ADGRV1: variants seen among roughly 807,000 people sequenced by gnomAD.
The protein encoded by ADGRV1 is adhesion G protein-coupled receptor V1.
ADGRV1 carries 359 observed loss-of-function variants against 596.2 expected under a neutral mutation model. That is an observed-to-expected ratio of 0.60 (90% confidence interval 0.55 to 0.66). The LOEUF is 0.66. Ranked by LOEUF, ADGRV1 falls within the 30% of genes least tolerant of loss-of-function variation. The pLI, the probability that ADGRV1 is intolerant of heterozygous loss-of-function variation, is 0.00. For synonymous variants in ADGRV1, 2,681 were observed against 2,679.2 expected (o/e 1.00, Z -0.02); for missense variants, 7,274 against 7,575.6 (o/e 0.96, Z 1.48).
Position 91,072,530 on chromosome 5 carries a change from TCATC to T in ADGRV1, c.18240_18243del (p.Ile6080MetfsTer5). On this transcript the variant is annotated frameshift_variant, in exon 86 of 90. Transcript: ENST00000405460. LOFTEE classifies it high-confidence loss of function. The stretch of plus-strand genomic sequence containing the variant: ...TGCCTCGTGGTGGTGTTCGTGGTGT[TCATC>T]CATGCCTACCAGGTGAAGCCACAGT... 6.2e-7 allele frequency: 1 copy of T among 1,613,878 alleles called. No individual in the cohort carries two copies. Among genetic ancestry groups the T allele is most frequent in the Non-Finnish European group, 8.5e-7 (1 of 1,179,742 alleles).
chr5:91,138,088 C>T (rs993886803), intron 87 of ADGRV1, among the ~76,000 whole-genome samples: 1 of 152,014 alleles, frequency 6.6e-6, no homozygotes. Flanking sequence ...CAGGCTAACC[C>T]AAGAATCCCA....
At chr5:90,682,324 C>A (rs1430199744) in intron 27 of ADGRV1, among the ~76,000 whole-genome samples, 1 of 152,170 alleles carries the variant, frequency 6.6e-6, no homozygotes, top group African/African-American at 2.4e-5. Context: ...TGATTTACAT[C>A]ATTTCTACTT....
At chr5:90,602,023 A>G (rs1257408519) in intron 1 of ADGRV1, among the ~76,000 whole-genome samples, 1 of 152,218 alleles carries the variant, frequency 6.6e-6, no homozygotes, top group Non-Finnish European at 1.5e-5. Context: ...TTCAGAGAAT[A>G]TTTGAAGAGG....
chr5:91,026,938 T>C (rs1368261283), intron 85 of ADGRV1, among the ~76,000 whole-genome samples: 2 of 151,838 alleles, frequency 1.3e-5, no homozygotes, highest in Non-Finnish European at 2.9e-5. Flanking sequence ...GGCCAGGAGT[T>C]CGAGACCAAC....
In ADGRV1 at chr5:90,627,275, A is replaced by G. The variant is rs768023502; in HGVS notation, c.737A>G (p.Asn246Ser). The change falls in exon 7 of 90, where the codon AAC becomes AGC. Residue 246 changes from asparagine (N) to serine (S), a missense_variant. By Grantham distance (46) the Asn-to-Ser change is conservative. Around this residue, in one of 5 missense-constraint regions of ADGRV1, gnomAD observed 1,715 missense variants for 1,708.8 expected, o/e 1.00. Transcript: ENST00000405460. ...AGTGTAGAAGGAGGAGCTGAGATTA[A>G]CACCTCTAGGAATTCCATTGAGATC... is the stretch of plus-strand genomic sequence containing the variant. ...LKSVEGGAEI[N>S]TSRNSIEIII... 2.5e-6 allele frequency: 4 copies of G among 1,600,894 alleles called. No individual in the cohort carries two copies. Among genetic ancestry groups the G allele is most frequent in the Non-Finnish European group, 2.6e-6 (3 of 1,172,146 alleles).
intron 41 of ADGRV1, among the ~76,000 whole-genome samples, chr5:90,711,615 A>T (rs1749360943): frequency 6.6e-6 from 1 of 152,216 alleles, no homozygotes; most frequent in African/African-American, 2.4e-5. Flanking sequence ...AAGAATTTAT[A>T]TCATTAGATA....
chr5:90,896,364 G>A (rs1034091851), intron 83 of ADGRV1, among the ~76,000 whole-genome samples: 1 of 127,600 alleles, frequency 7.8e-6, no homozygotes, highest in Non-Finnish European at 1.6e-5. Context: ...TCAACCTCCC[G>A]GCTCGAGAGA....
chr5:90,594,262 G>T lies in ADGRV1; in HGVS notation c.23-20573G>T, dbSNP rs145006962. Among the ~76,000 whole-genome samples, 168 of 152,070 alleles carry T rather than the reference G, an allele frequency of 1.1e-3. 3 individuals carry two copies. In the East Asian group the frequency reaches 0.024, roughly 22 times the overall value. On this transcript the variant is annotated intron_variant, in intron 1 of 89. Coordinates refer to ENST00000405460, the MANE Select transcript of ADGRV1 (RefSeq NM_032119.4). ...CAGGTGAGAGGTAATTGAATCATGG[G>T]GGCAGTTACCTCCATGCTGTTCTCA...
intron 85 of ADGRV1, among the ~76,000 whole-genome samples, chr5:91,042,197 T>C (rs191068102): frequency 1.9e-3 from 286 of 152,292 alleles, no homozygotes; most frequent in African/African-American, 6.0e-3. Context: ...GATGAAAAGA[T>C]TGTGGTTTGC....
intron 85 of ADGRV1, 119 bp from the exon 86 acceptor site, chr5:91,072,328 C>A: frequency 1.1e-6 from 1 of 902,110 alleles, no homozygotes; most frequent in Non-Finnish European, 1.8e-6. Flanking sequence ...AACCAAAAAT[C>A]TGATGTTGCC....
intron 85 of ADGRV1, among the ~76,000 whole-genome samples, chr5:91,038,696 C>A (rs1785099358): frequency 6.6e-6 from 1 of 152,126 alleles, no homozygotes; most frequent in African/African-American, 2.4e-5. Context: ...TCAGTGACAG[C>A]AAGCATCTTA....
At chr5:91,104,835 C>CCTTTT (rs1279159580) in intron 87 of ADGRV1, among the ~76,000 whole-genome samples, 1 of 150,048 alleles carries the variant, frequency 6.7e-6, no homozygotes, top group Non-Finnish European at 1.5e-5. Context: ...TTTGCACCAA[C>CCTTTT]CTTTTCTTTT....
intron 83 of ADGRV1, among the ~76,000 whole-genome samples, chr5:90,904,492 T>A (rs1224203787): frequency 6.6e-6 from 1 of 152,166 alleles, no homozygotes; most frequent in Non-Finnish European, 1.5e-5. Flanking sequence ...GTAGTTTTGA[T>A]TTGCATTTCT....
At chr5:90,778,821 T>C in intron 63 of ADGRV1, 44 bp from the exon 64 acceptor site, 1 of 1,481,810 alleles carries the variant, frequency 6.7e-7, no homozygotes, top group Non-Finnish European at 9.3e-7. Context: ...TATTGTCTGG[T>C]AGATTAAACA....
At chr5:90,949,319 T>C (rs185094837) in intron 83 of ADGRV1, among the ~76,000 whole-genome samples, 1 of 152,264 alleles carries the variant, frequency 6.6e-6, no homozygotes, top group East Asian at 1.9e-4. Context: ...AAACTTTAAC[T>C]ATAATTTAAG....
chr5:90,647,674 A>C lies in ADGRV1; in HGVS notation c.3199A>C (p.Ser1067Arg). The change falls in exon 17 of 90, where the codon AGT becomes CGT. Residue 1067 changes from serine (S) to arginine (R), a missense_variant. Around this residue, in one of 5 missense-constraint regions of ADGRV1, gnomAD observed 1,715 missense variants for 1,708.8 expected, o/e 1.00. Coordinates refer to ENST00000405460, the MANE Select transcript of ADGRV1 (RefSeq NM_032119.4). ...AGAAACGCTCATTTTTGAGGTTGGA[A>C]GTAGACAGCAGAGCATATCCATATT... ...KGETLIFEVGSRQQSISIFVN... is the reference protein window; with the variant it reads ...KGETLIFEVGRRQQSISIFVN... 5 of 1,613,976 alleles carry C rather than the reference A, an allele frequency of 3.1e-6. No individual in the cohort carries two copies. The highest frequency in any genetic ancestry group is 4.2e-6 in the Non-Finnish European group (5 of 1,179,850).
At position 91,011,196 on chromosome 5, in the gene ADGRV1, G is replaced by A. The variant is rs532149719; in HGVS notation, c.18152+25674G>A. On this transcript the variant is annotated intron_variant, in intron 85 of 89. Coordinates refer to ENST00000405460, the MANE Select transcript of ADGRV1 (RefSeq NM_032119.4). ...AAAATGTTGAGGACATAAAAAAGTAGCACCTTAAAGTTAGTAGATGAAAAA... is the reference window on the plus strand; with the variant it reads ...AAAATGTTGAGGACATAAAAAAGTAACACCTTAAAGTTAGTAGATGAAAAA... Among the ~76,000 whole-genome samples the A allele has an allele frequency of 8.1e-4, 123 of 151,994 alleles. 1 individual carries two copies. The highest frequency in any genetic ancestry group is 2.9e-3 in the African/African-American group (121 of 41,514).
At position 90,815,756 on chromosome 5, in the gene ADGRV1, A is replaced by G; in HGVS notation, c.16196+20A>G. ...AAACAGGTATGTGTATATATAGTAT[A>G]TGGAAGACGTAACATTCTGTGTGTC... On this transcript the variant is annotated intron_variant, in intron 75 of 89. Transcript: ENST00000405460. 1 of 1,209,618 alleles carries G rather than the reference A, an allele frequency of 8.3e-7. No homozygotes were observed. The highest frequency in any genetic ancestry group is 1.2e-6 in the Non-Finnish European group (1 of 834,084). 74.9% of individuals were successfully genotyped at this position (1,209,618 alleles called of 1,614,324 possible).
chr5:90,807,751 C>T lies in ADGRV1; in HGVS notation c.14972+14C>T, dbSNP rs1407014634. ...AGCTCAACTCCGGTAAGACCAACCTCATTCTCACCCAAGAAATTCTCTGAG... is the reference window on the plus strand; with the variant it reads ...AGCTCAACTCCGGTAAGACCAACCTTATTCTCACCCAAGAAATTCTCTGAG... On this transcript the variant is annotated intron_variant, in intron 73 of 89. Coordinates refer to ENST00000405460, the MANE Select transcript of ADGRV1 (RefSeq NM_032119.4). 6 of 1,513,054 alleles carry T rather than the reference C, an allele frequency of 4.0e-6. No homozygotes were observed. The highest frequency in any genetic ancestry group is 5.3e-6 in the Non-Finnish European group (6 of 1,123,228). The allele number at this position is 1,513,054 out of a possible 1,614,324, so 93.7% of individuals were successfully genotyped here.
Sources: gnomAD v4.1 joint callset for allele counts (sites outside exome capture counted in the v4.1 genomes callset) on GRCh38, gnomAD v4.1.1 for gene constraint, gnomAD v4.1.1 regional missense constraint, MANE v1.5 for transcripts, NCBI Gene and HGNC (gene_info 2026-07-23, HGNC 2026-07-21) for gene names.